SLC4A7: variants seen among roughly 807,000 people sequenced by gnomAD.
The protein encoded by SLC4A7 is sodium bicarbonate cotransporter 3.
SLC4A7 carries 51 observed loss-of-function variants against 137.6 expected under a neutral mutation model. The ratio of observed to expected loss-of-function variants is 0.37; its 90% CI spans 0.30 to 0.47. SLC4A7 has a LOEUF of 0.47. Among genes scored for constraint, SLC4A7 ranks in the 20% least tolerant of loss-of-function variants. The probability of loss-of-function intolerance (pLI) is 1.00; values close to 1 mark genes in which losing one functional copy is unlikely to be tolerated. For synonymous variants in SLC4A7, 542 were observed against 518.6 expected, an observed-to-expected ratio of 1.05 and a Z score of -0.61; for missense variants, 1,247 against 1,525.4, an observed-to-expected ratio of 0.82 and a Z score of 3.04.
At chr3:27,459,338 C>T (rs972942091) in intron 1 of SLC4A7, among the ~76,000 whole-genome samples, 2 of 152,074 alleles carry the variant, frequency 1.3e-5, no homozygotes, top group Admixed American at 6.5e-5. Context: ...ACCAATATTC[C>T]AATAAAATTT....
At chr3:27,440,194 C>T (rs939788326) in intron 3 of SLC4A7, among the ~76,000 whole-genome samples, 11 of 152,104 alleles carry the variant, frequency 7.2e-5, no homozygotes, top group African/African-American at 9.7e-5. Context: ...GCTAAAATCA[C>T]GGTGTTGGCA....
intron 15 of SLC4A7, 110 bp from the exon 16 acceptor site, chr3:27,400,979 G>A: frequency 1.7e-6 from 1 of 593,024 alleles, no homozygotes. Flanking sequence ...TTCCCACATT[G>A]AGAAGCATGG....
intron 25 of SLC4A7, among the ~76,000 whole-genome samples, chr3:27,377,461 C>T (rs1017153404): frequency 1.3e-5 from 2 of 152,066 alleles, no homozygotes; most frequent in African/African-American, 2.4e-5. Flanking sequence ...GGCACAATCT[C>T]GGCTCACTGC....
chr3:27,458,121 A>G (rs1163959234), intron 1 of SLC4A7, among the ~76,000 whole-genome samples: 1 of 152,216 alleles, frequency 6.6e-6, no homozygotes, highest in Non-Finnish European at 1.5e-5. Flanking sequence ...ATGTTTTTAC[A>G]AATGCTTATT....
intron 1 of SLC4A7, among the ~76,000 whole-genome samples, chr3:27,482,687 G>T (rs2059765202): frequency 6.6e-6 from 1 of 152,062 alleles, no homozygotes; most frequent in South Asian, 2.1e-4. Context: ...CGGGAGAATC[G>T]GTTGAACCTG....
intron 8 of SLC4A7, among the ~76,000 whole-genome samples, chr3:27,422,199 A>G (rs1287978693): frequency 6.6e-6 from 1 of 152,216 alleles, no homozygotes; most frequent in Admixed American, 6.5e-5. Context: ...CCCTAAAAAC[A>G]AACCAAAAAA....
At chr3:27,380,370 TTC>T (rs1240085839) in intron 24 of SLC4A7, among the ~76,000 whole-genome samples, 1 of 151,862 alleles carries the variant, frequency 6.6e-6, no homozygotes, top group Non-Finnish European at 1.5e-5. Context: ...AGAAAAATGT[TTC>T]TGTTTCTATA....
intron 18 of SLC4A7, among the ~76,000 whole-genome samples, chr3:27,396,880 C>G (rs7428089): frequency 6.6e-6 from 1 of 152,078 alleles, no homozygotes; most frequent in Non-Finnish European, 1.5e-5. Context: ...CAAATGGATG[C>G]TCAGATCATT....
chr3:27,417,355 TA>T (rs925005814), intron 11 of SLC4A7, among the ~76,000 whole-genome samples: 17 of 151,952 alleles, frequency 1.1e-4, no homozygotes, highest in Middle Eastern at 3.2e-3. Context: ...ATTTAAATGT[TA>T]AAAAAAATAA....
chr3:27,419,130 T>C (rs2054677779), intron 10 of SLC4A7, among the ~76,000 whole-genome samples: 1 of 152,002 alleles, frequency 6.6e-6, no homozygotes, highest in South Asian at 2.1e-4. Flanking sequence ...CTCAAGAACC[T>C]TTTTTTCTAG....
At position 27,372,765 on chromosome 3, in the gene SLC4A7, C is replaced by T. The variant is rs1212065551; in HGVS notation, c.*3999G>A. 1 of 152,468 alleles carries T rather than the reference C, an allele frequency of 6.6e-6. No individual in the cohort carries two copies. Among genetic ancestry groups the T allele is most frequent in the African/African-American group, 2.4e-5 (1 of 41,414 alleles). The allele number at this position is 152,468 out of a possible 1,614,324, so 9.4% of individuals were successfully genotyped here. On this transcript the variant is annotated 3_prime_UTR_variant, in exon 26 of 26. Coordinates refer to ENST00000454389, the MANE Select transcript of SLC4A7 (RefSeq NM_001321103.2). ...ATTGCTCAATCAACTTCAGTAACAT[C>T]TCCAAAAAAATAGTTTTCATCTAAC...
intron 16 of SLC4A7, among the ~76,000 whole-genome samples, chr3:27,398,831 A>G (rs912037555): frequency 5.3e-5 from 8 of 152,226 alleles, no homozygotes; most frequent in East Asian, 1.9e-4. Flanking sequence ...AATTAAAATC[A>G]GTAATAAAAA....
In SLC4A7 at chr3:27,434,009, T is replaced by C. The variant is rs747777003; in HGVS notation, c.685A>G (p.Asn229Asp). ...EALLKRHHHQNEKRFTSRIPL... is the reference protein window; with the variant it reads ...EALLKRHHHQDEKRFTSRIPL... Reference sequence around the variant, plus strand: ...ATCCGACTGGTGAATCTTTTCTCATTCTGATGATGATGTCTCTTCAGAAGA... The same window carrying C: ...ATCCGACTGGTGAATCTTTTCTCATCCTGATGATGATGTCTCTTCAGAAGA... The change falls in exon 6 of 26, where the codon AAT becomes GAT. Residue 229 changes from asparagine (N) to aspartate (D), a missense_variant. Asn to Asp is a conservative substitution (Grantham distance 23). Transcript: ENST00000454389. The C allele has an allele frequency of 1.9e-6, 3 of 1,613,918 alleles. No individual in the cohort carries two copies. The South Asian group carries it at 3.3e-5, about 18-fold the overall frequency.
At chr3:27,407,275 A>G (rs902819033) in intron 13 of SLC4A7, among the ~76,000 whole-genome samples, 3 of 151,924 alleles carry the variant, frequency 2.0e-5, no homozygotes, top group African/African-American at 7.2e-5. Flanking sequence ...AGGTCACATT[A>G]TCGAGACCAG....
chr3:27,420,611 T>C, intron 10 of SLC4A7, 89 bp downstream of exon 10: 2 of 781,452 alleles, frequency 2.6e-6, no homozygotes, highest in Non-Finnish European at 4.0e-6. Flanking sequence ...AGAGCTTCAC[T>C]ATGAAAGAAA....
In SLC4A7 at chr3:27,433,979, G is replaced by A; in HGVS notation, c.715C>T (p.Leu239Phe). 1 of 1,613,890 alleles carries A rather than the reference G, an allele frequency of 6.2e-7. No individual in the cohort carries two copies. Among genetic ancestry groups the A allele is most frequent in the Non-Finnish European group, 8.5e-7 (1 of 1,179,890 alleles). Reference sequence around the variant, plus strand: ...CCTATATCTGCAAAAGATCGAACAAGAGGAATCCGACTGGTGAATCTTTTC... The same window carrying A: ...CCTATATCTGCAAAAGATCGAACAAAAGGAATCCGACTGGTGAATCTTTTC... ...NEKRFTSRIP[L>F]VRSFADIGKK... The change falls in exon 6 of 26, where the codon CTT becomes TTT. Residue 239 changes from leucine to phenylalanine, a missense_variant. Leu to Phe is a conservative substitution (Grantham distance 22, BLOSUM62 0). Around this residue, in one of 6 missense-constraint regions of SLC4A7, gnomAD observed 223 missense variants for 203.6 expected, o/e 1.10. Coordinates refer to ENST00000454389, the MANE Select transcript of SLC4A7 (RefSeq NM_001321103.2).
chr3:27,436,258 A>G, intron 5 of SLC4A7, 130 bp downstream of exon 5: 1 of 604,084 alleles, frequency 1.7e-6, no homozygotes, highest in Non-Finnish European at 2.7e-6. Context: ...CAAATTTATC[A>G]AAGACAAAAA....
intron 13 of SLC4A7, among the ~76,000 whole-genome samples, chr3:27,407,827 TTA>T (rs2053533081): frequency 1.3e-5 from 2 of 151,992 alleles, no homozygotes; most frequent in African/African-American, 4.8e-5. Context: ...TCCCTGTAAA[TTA>T]TCTTTCTTGT....
intron 3 of SLC4A7, among the ~76,000 whole-genome samples, chr3:27,446,892 TTG>T (rs200202612): frequency 0.061 from 3,777 of 62,188 alleles, 130 homozygotes; most frequent in Non-Finnish European, 0.072. Context: ...TTTGTTTTTT[TTG>T]TTTTTTTTAA....
Sources: gnomAD v4.1 joint callset for allele counts (sites outside exome capture counted in the v4.1 genomes callset) on GRCh38, gnomAD v4.1.1 for gene constraint, gnomAD v4.1.1 regional missense constraint, MANE v1.5 for transcripts, NCBI Gene and HGNC (gene_info 2026-07-23, HGNC 2026-07-21) for gene names.